Variants in RBMS3 observed in about 807,000 individuals in gnomAD.
RBMS3 encodes the protein RNA binding motif single stranded interacting protein 3.
Under a neutral mutation model 66.8 loss-of-function variants are expected in RBMS3, and 27 were observed. The observed-to-expected ratio is 0.40, with a 90% CI of 0.30 to 0.56. RBMS3 has a LOEUF of 0.56. RBMS3 is among the 20% of genes least tolerant of loss of function. The pLI is 0.40. For missense variants in RBMS3, 513 were observed against 549.5 expected (o/e 0.93, Z 0.66); for synonymous variants, 188 against 183.0 (o/e 1.03, Z -0.22).
At chr3:29,900,423 T>C (rs1032239027) in intron 10 of RBMS3, among the ~76,000 whole-genome samples, 1 of 151,820 alleles carries the variant, frequency 6.6e-6, no homozygotes, top group Non-Finnish European at 1.5e-5. Context: ...TCCCATTTTA[T>C]GGCACAATAT....
At chr3:29,735,701 T>C (rs2054349683) in intron 4 of RBMS3, among the ~76,000 whole-genome samples, 1 of 152,226 alleles carries the variant, frequency 6.6e-6, no homozygotes, top group East Asian at 1.9e-4. Context: ...TATTTTTGTC[T>C]CTATAATATT....
In RBMS3 at chr3:29,988,169, A is replaced by G. The variant is rs745736528; in HGVS notation, c.1125A>G (p.Gln375=). 1.9e-6 allele frequency: 3 copies of G among 1,613,244 alleles called. No individual in the cohort carries two copies. Among genetic ancestry groups the G allele is most frequent in the Admixed American group, 3.3e-5 (2 of 60,010 alleles). The part of the protein sequence containing the change: ...CQYMTAAAPM[Q]GTYIPQYTPV... The stretch of plus-strand genomic sequence containing the variant: ...ATATGACTGCTGCTGCTCCTATGCA[A>G]GGGACCTACATTCCTCAGTACACGC... The change falls in exon 13 of 15, where the codon CAA becomes CAG. Residue 375 remains glutamine (Q), a synonymous_variant. Transcript: ENST00000383767.
intron 2 of RBMS3, among the ~76,000 whole-genome samples, chr3:29,487,251 G>T (rs1471678487): frequency 6.6e-6 from 1 of 152,060 alleles, no homozygotes. Flanking sequence ...GGAAAGGGAG[G>T]ATTGGGAGTT....
At chr3:29,807,804 G>A (rs1576865236) in intron 6 of RBMS3, among the ~76,000 whole-genome samples, 1 of 151,826 alleles carries the variant, frequency 6.6e-6, no homozygotes, top group East Asian at 1.9e-4. Flanking sequence ...GTGTGTGTGT[G>A]TGTGTGCAAT....
chr3:29,443,095 A>G (rs984813463), intron 2 of RBMS3, among the ~76,000 whole-genome samples: 1 of 152,072 alleles, frequency 6.6e-6, no homozygotes, highest in Non-Finnish European at 1.5e-5. Context: ...AAGAGCTATC[A>G]AATTCATTGT....
intron 2 of RBMS3, among the ~76,000 whole-genome samples, chr3:29,471,718 G>GTTTTTTTTTTTTTTT (rs397793236): frequency 1.4e-5 from 1 of 71,170 alleles, no homozygotes; most frequent in Non-Finnish European, 2.7e-5. Flanking sequence ...TGAGGACTTA[G>GTTTTTTTTTTTTTTT]TTTTTTTTTT....
chr3:29,994,644 C>G (rs931208248), intron 14 of RBMS3, among the ~76,000 whole-genome samples: 5 of 152,218 alleles, frequency 3.3e-5, no homozygotes, highest in Admixed American at 1.3e-4. Context: ...AACTGGGAGG[C>G]ACCCCCCAGC....
chr3:29,428,904 G>GA (rs1324598508), intron 1 of RBMS3, among the ~76,000 whole-genome samples: 1 of 152,126 alleles, frequency 6.6e-6, no homozygotes, highest in African/African-American at 2.4e-5. Context: ...TTCTGATAGA[G>GA]AAAAAGAGCC....
intron 3 of RBMS3, among the ~76,000 whole-genome samples, chr3:29,493,649 C>G (rs1293352258): frequency 6.6e-6 from 1 of 151,724 alleles, no homozygotes; most frequent in Non-Finnish European, 1.5e-5. Flanking sequence ...GAAAAAAATA[C>G]AGCTCTTGGA....
chr3:29,933,785 TCTTA>T (rs1276799678), intron 10 of RBMS3: 1 of 152,136 alleles, frequency 6.6e-6, no homozygotes, highest in South Asian at 2.1e-4. Flanking sequence ...ATAAATCCCT[TCTTA>T]CTTTTCCCTT....
chr3:29,775,139 CT>C (rs1323122148), intron 6 of RBMS3, among the ~76,000 whole-genome samples: 1 of 151,668 alleles, frequency 6.6e-6, no homozygotes, highest in Non-Finnish European at 1.5e-5. Flanking sequence ...TACGCTCTCA[CT>C]TTTTTTGGTC....
At chr3:29,998,792 T>C (rs1473175391) in intron 14 of RBMS3, among the ~76,000 whole-genome samples, 1 of 152,076 alleles carries the variant, frequency 6.6e-6, no homozygotes, top group Non-Finnish European at 1.5e-5. Flanking sequence ...AAGACTTAAA[T>C]GTTAGACCTA....
At chr3:29,982,135 T>A (rs1043687745) in intron 12 of RBMS3, among the ~76,000 whole-genome samples, 1 of 152,192 alleles carries the variant, frequency 6.6e-6, no homozygotes, top group Admixed American at 6.5e-5. Context: ...TTCGACTTCT[T>A]CCTGGTTTAG....
intron 2 of RBMS3, among the ~76,000 whole-genome samples, chr3:29,483,936 T>C (rs1413002041): frequency 1.3e-5 from 2 of 152,248 alleles, no homozygotes; most frequent in Admixed American, 6.5e-5. Context: ...GTTTACTTGG[T>C]GTGGATGCAT....
chr3:29,533,566 A>G lies in RBMS3; in HGVS notation c.307+45067A>G, dbSNP rs996872277. 2.0e-5 allele frequency among the ~76,000 whole-genome samples: 3 copies of G among 152,142 alleles called. No individual in the cohort carries two copies. The East Asian group carries it at 5.8e-4, about 29-fold the overall frequency. ...GTTTCAGCAGGTGGATCACGAGGTT[A>G]GGAGTTCAAGACCAGCCTGGCCAAC... On this transcript the variant is annotated intron_variant, in intron 3 of 14. Coordinates refer to ENST00000383767, the MANE Select transcript of RBMS3 (RefSeq NM_001003793.3).
intron 13 of RBMS3, among the ~76,000 whole-genome samples, chr3:29,989,207 C>T (rs1156993688): frequency 1.3e-5 from 2 of 151,964 alleles, no homozygotes; most frequent in Non-Finnish European, 2.9e-5. Flanking sequence ...AGCTTTGCTG[C>T]TTTCATTCTC....
chr3:29,312,832 C>T (rs1442797775), intron 1 of RBMS3, among the ~76,000 whole-genome samples: 1 of 151,658 alleles, frequency 6.6e-6, no homozygotes, highest in Non-Finnish European at 1.5e-5. Flanking sequence ...AAACTGTGGA[C>T]TTTAGATAAT....
intron 4 of RBMS3, among the ~76,000 whole-genome samples, chr3:29,635,071 G>A (rs1029580779): frequency 6.6e-6 from 1 of 151,848 alleles, no homozygotes; most frequent in African/African-American, 2.4e-5. Context: ...TGTATCCATG[G>A]TTTTAGCATT....
chr3:29,362,408 G>T (rs913184510), intron 1 of RBMS3, among the ~76,000 whole-genome samples: 1 of 152,178 alleles, frequency 6.6e-6, no homozygotes, highest in Non-Finnish European at 1.5e-5. Context: ...TTTCTCTGGA[G>T]GTTTTGTCTC....
Sources: gnomAD v4.1 joint callset for allele counts (sites outside exome capture counted in the v4.1 genomes callset) on GRCh38, gnomAD v4.1.1 for gene constraint, MANE v1.5 for transcripts, NCBI Gene and HGNC (gene_info 2026-07-23, HGNC 2026-07-21) for gene names.